The following CPEB3 variants were observed in gnomAD, a reference collection of about 807,000 sequenced individuals.
The protein encoded by CPEB3 is cytoplasmic polyadenylation element binding protein 3, also known as cytoplasmic polyadenylation element-binding protein 3.
Under a neutral mutation model 67.2 loss-of-function variants are expected in CPEB3, and 20 were observed. That is an observed-to-expected ratio of 0.30 (90% CI 0.21 to 0.43). The LOEUF (loss-of-function observed/expected upper bound fraction) is 0.43, where lower values mean the gene tolerates loss of function less well. Ranked by LOEUF, CPEB3 falls within the 20% of genes least tolerant of loss-of-function variation. The pLI is 1.00. For synonymous variants in CPEB3, 376 were observed against 393.1 expected (o/e 0.96, Z 0.51); for missense variants, 746 against 968.6 (o/e 0.77, Z 3.05).
chr10:92,260,950 T>C (rs1178827540), intron 1 of CPEB3, among the ~76,000 whole-genome samples: 4 of 152,180 alleles, frequency 2.6e-5, no homozygotes, highest in Non-Finnish European at 5.9e-5. Context: ...AAAGTACTAA[T>C]TTTAGTCTTC....
Position 92,081,503 on chromosome 10 carries a change from TGC to T in CPEB3, c.1688-4_1688-3del. On this transcript the variant is annotated splice_region_variant and splice_polypyrimidine_tract_variant and intron_variant, in intron 8 of 9. Transcript: ENST00000265997. ...GGTCCATGATCATTGCCAGTTCAAC[TGC>T]AAAAAAAAAACAAAACATGGATGTG... 6.3e-7 allele frequency: 1 copy of T among 1,596,916 alleles called. No homozygotes were observed. Among genetic ancestry groups the T allele is most frequent in the Non-Finnish European group, 8.5e-7 (1 of 1,174,176 alleles).
intron 9 of CPEB3, 99 bp downstream of exon 9, chr10:92,081,221 G>A: frequency 8.0e-7 from 1 of 1,247,856 alleles, no homozygotes; most frequent in Non-Finnish European, 1.2e-6. Flanking sequence ...GCAAGGTAGA[G>A]CTGGTCACTT....
At chr10:92,215,465 C>T (rs1415142084) in intron 2 of CPEB3, among the ~76,000 whole-genome samples, 8 of 141,976 alleles carry the variant, frequency 5.6e-5, no homozygotes, top group South Asian at 2.3e-4. Flanking sequence ...TTTTTTTAGA[C>T]GGAGTCTCAC....
intron 4 of CPEB3, among the ~76,000 whole-genome samples, chr10:92,162,299 T>A (rs764926937): frequency 6.6e-6 from 1 of 152,106 alleles, no homozygotes; most frequent in South Asian, 2.1e-4. Context: ...TTTGGGGTAT[T>A]AGTAATGTTT....
intron 4 of CPEB3, among the ~76,000 whole-genome samples, chr10:92,145,916 G>A (rs1052171420): frequency 1.3e-5 from 2 of 152,116 alleles, no homozygotes; most frequent in African/African-American, 4.8e-5. Flanking sequence ...TTTTCTAATA[G>A]TGGAACTAAA....
chr10:92,178,531 G>A (rs892028275), intron 4 of CPEB3, among the ~76,000 whole-genome samples: 5 of 152,108 alleles, frequency 3.3e-5, no homozygotes, highest in African/African-American at 4.8e-5. Context: ...AAAGTGTTAG[G>A]GCAACAAATG....
Position 92,289,732 on chromosome 10 carries a change from A to AATATATATAT in CPEB3, c.-12+1184_-12+1193dup, listed in dbSNP as rs71025390. On this transcript the variant is annotated intron_variant, in intron 1 of 9. Coordinates refer to ENST00000265997, the MANE Select transcript of CPEB3 (RefSeq NM_014912.5). Reference sequence around the variant, plus strand: ...CGCGTCTCTACCAAAAAAAAAAAAAAATATATATATATATATATATATATA... The same window carrying AATATATATAT: ...CGCGTCTCTACCAAAAAAAAAAAAAAATATATATATATATATATATATATATATATATATA... 5.4e-4 allele frequency among the ~76,000 whole-genome samples: 41 copies of AATATATATAT among 75,740 alleles called. 1 individual carries two copies. The highest frequency in any genetic ancestry group is 8.2e-4 in the African/African-American group (16 of 19,588). 49.7% of individuals were successfully genotyped at this position (75,740 alleles called of 152,430 possible).
chr10:92,092,672 CAGGAGG>C (rs1843669670), intron 7 of CPEB3, among the ~76,000 whole-genome samples: 2 of 151,928 alleles, frequency 1.3e-5, no homozygotes, highest in African/African-American at 4.8e-5. Context: ...CCCAGCTACT[CAGGAGG>C]CTGAGGCATG....
chr10:92,115,393 C>G (rs1590171466), intron 6 of CPEB3, among the ~76,000 whole-genome samples: 1 of 152,324 alleles, frequency 6.6e-6, no homozygotes, highest in South Asian at 2.1e-4. Context: ...ACCTTGTGAT[C>G]CTTCAGCCTC....
chr10:92,289,718 C>CAAAAAAA (rs749285662), intron 1 of CPEB3, among the ~76,000 whole-genome samples: 549 of 30,828 alleles, frequency 0.018, 86 homozygotes, highest in African/African-American at 0.058. Context: ...GCGTCTCTAC[C>CAAAAAAA]AAAAAAAAAA....
chr10:92,281,429 A>G (rs1842292110), intron 1 of CPEB3, among the ~76,000 whole-genome samples: 1 of 152,030 alleles, frequency 6.6e-6, no homozygotes, highest in Admixed American at 6.6e-5. Flanking sequence ...ATTTTTATAT[A>G]TTCTAAATAT....
intron 3 of CPEB3, among the ~76,000 whole-genome samples, chr10:92,186,780 C>T (rs183587546): frequency 4.0e-4 from 61 of 152,212 alleles, no homozygotes; most frequent in East Asian, 1.4e-3. Context: ...AGGATGATTA[C>T]GCAAATTAAT....
At chr10:92,252,265 A>G (rs946140673) in intron 1 of CPEB3, among the ~76,000 whole-genome samples, 1 of 152,202 alleles carries the variant, frequency 6.6e-6, no homozygotes, top group African/African-American at 2.4e-5. Flanking sequence ...GGCAGACAAT[A>G]CCAAGCATTA....
At chr10:92,175,153 T>C (rs1465067342) in intron 4 of CPEB3, among the ~76,000 whole-genome samples, 1 of 151,904 alleles carries the variant, frequency 6.6e-6, no homozygotes, top group Non-Finnish European at 1.5e-5. Context: ...ACAATGTTAC[T>C]ACAAAAATTC....
chr10:92,217,066 G>A (rs1850447877), intron 2 of CPEB3, among the ~76,000 whole-genome samples: 1 of 148,376 alleles, frequency 6.7e-6, no homozygotes. Flanking sequence ...AAATTGGCTG[G>A]GCATAGTGGT....
intron 8 of CPEB3, among the ~76,000 whole-genome samples, chr10:92,089,474 T>A (rs1843522013): frequency 6.6e-6 from 1 of 151,954 alleles, no homozygotes; most frequent in African/African-American, 2.4e-5. Flanking sequence ...AAACAAAAAA[T>A]TTTAGCTTAG....
intron 6 of CPEB3, among the ~76,000 whole-genome samples, chr10:92,139,478 A>C (rs1846285630): frequency 6.6e-6 from 1 of 151,612 alleles, no homozygotes; most frequent in Non-Finnish European, 1.5e-5. Context: ...CTAAAAATCC[A>C]AACAATTGAA....
intron 1 of CPEB3, among the ~76,000 whole-genome samples, chr10:92,240,854 C>CT (rs1247952183): frequency 5.1e-5 from 7 of 138,236 alleles, no homozygotes; most frequent in African/African-American, 8.9e-5. Flanking sequence ...AGCTCGAACA[C>CT]TTTTTAAAAA....
chr10:92,074,296 G>T (rs764166333), intron 9 of CPEB3, among the ~76,000 whole-genome samples: 3 of 151,980 alleles, frequency 2.0e-5, no homozygotes, highest in Non-Finnish European at 4.4e-5. Flanking sequence ...ACTCATTCAC[G>T]CATTAATTCA....
Sources: allele counts gnomAD v4.1 joint callset (sites outside exome capture counted in the v4.1 genomes callset), GRCh38; gene constraint gnomAD v4.1.1; transcripts MANE v1.5; gene names NCBI Gene and HGNC (gene_info 2026-07-23, HGNC 2026-07-21).